The following MYCBP2 variants were observed in gnomAD, a reference collection of about 807,000 sequenced individuals.
MYCBP2 encodes the protein MYC binding protein 2.
In MYCBP2, 120 loss-of-function variants were observed where a neutral mutation model predicts 525.3. The observed-to-expected ratio is 0.23, with a 90% CI of 0.20 to 0.27. The LOEUF (loss-of-function observed/expected upper bound fraction) is 0.27. Ranked by LOEUF, MYCBP2 falls within the 10% of genes least tolerant of loss-of-function variation. The pLI, the probability that MYCBP2 is intolerant of heterozygous loss-of-function variation, is 1.00. For synonymous variants in MYCBP2, 1,894 were observed against 1,955.8 expected, an observed-to-expected ratio of 0.97 and a Z score of 0.83; for missense variants, 4,149 against 5,657.1, an observed-to-expected ratio of 0.73 and a Z score of 8.55.
intron 46 of MYCBP2, 100 bp downstream of exon 46, chr13:77,155,958 G>C (rs1298642230): frequency 2.7e-6 from 3 of 1,131,504 alleles, no homozygotes; most frequent in Non-Finnish European, 3.7e-6. Flanking sequence ...ATATAAAGAG[G>C]GTAGAACAAA....
rs1431852116 is a variant in MYCBP2 at position 77,205,608 on chromosome 13, C to T, written c.3590-10G>A. 1.2e-6 allele frequency: 2 copies of T among 1,602,878 alleles called. No homozygotes were observed. Among genetic ancestry groups the T allele is most frequent in the East Asian group, 2.2e-5 (1 of 44,722 alleles). On this transcript the variant is annotated splice_polypyrimidine_tract_variant and intron_variant, in intron 24 of 82. Transcript: ENST00000544440. ...AAGGTATCAAGACAACCTAAAACAA[C>T]AAAGAAACAAAATTTAACTCCTTGA... is the stretch of plus-strand genomic sequence containing the variant.
intron 13 of MYCBP2, 96 bp from the exon 14 acceptor site, chr13:77,257,925 C>T: frequency 2.2e-6 from 2 of 913,298 alleles, no homozygotes; most frequent in Non-Finnish European, 3.1e-6. Flanking sequence ...ATTTCTGGGG[C>T]AAAATAACTC....
intron 55 of MYCBP2, among the ~76,000 whole-genome samples, chr13:77,110,326 G>A (rs945366017): frequency 6.6e-6 from 1 of 152,070 alleles, no homozygotes; most frequent in South Asian, 2.1e-4. Context: ...ACTGAAATAC[G>A]CCCTGGTCTC....
At chr13:77,213,489 A>C (rs564953369) in intron 21 of MYCBP2, among the ~76,000 whole-genome samples, 2 of 152,316 alleles carry the variant, frequency 1.3e-5, no homozygotes, top group Admixed American at 1.3e-4. Flanking sequence ...AAAAGAAAAA[A>C]AAAAGTAAAT....
chr13:77,294,104 C>A (rs1429899368), intron 2 of MYCBP2, among the ~76,000 whole-genome samples: 24 of 41,898 alleles, frequency 5.7e-4, no homozygotes, highest in African/African-American at 6.9e-4. Context: ...GATATAATGG[C>A]TATATATATA....
chr13:77,185,867 A>G lies in MYCBP2; in HGVS notation c.4444+4T>C, dbSNP rs779112174. On this transcript the variant is annotated splice_donor_region_variant and intron_variant, in intron 31 of 82. Coordinates refer to ENST00000544440, the MANE Select transcript of MYCBP2 (RefSeq NM_015057.5). The stretch of plus-strand genomic sequence containing the variant: ...TATAGTCATTTAAAAAAAATGCATC[A>G]TACCTGACACTGGGTAAATTTCACA... The G allele has an allele frequency of 1.3e-6, 2 of 1,561,618 alleles. No individual in the cohort carries two copies. The highest frequency in any genetic ancestry group is 1.7e-6 in the Non-Finnish European group (2 of 1,158,978).
In MYCBP2 at chr13:77,068,758, G is replaced by A. The variant is rs1323915010; in HGVS notation, c.11978C>T (p.Ser3993Leu). ...CTGAGAATTGGCATTTTCTTTGCTT[G>A]ATATAGCATGTTCCCATTCTTCACG... ...RVREEWEHAISSKENANSQPN... is the reference protein window; with the variant it reads ...RVREEWEHAILSKENANSQPN... The change falls in exon 70 of 83, where the codon TCA becomes TTA. Residue 3993 changes from serine to leucine, a missense_variant. Physicochemically the swap from Ser to Leu is moderately radical, Grantham distance 145. Around this residue, in one of 21 missense-constraint regions of MYCBP2, gnomAD observed 64 missense variants for 131.2 expected, o/e 0.49. Coordinates refer to ENST00000544440, the MANE Select transcript of MYCBP2 (RefSeq NM_015057.5). The A allele has an allele frequency of 1.9e-6, 3 of 1,614,020 alleles. No homozygotes were observed. The highest frequency in any genetic ancestry group is 2.5e-6 in the Non-Finnish European group (3 of 1,180,012).
chr13:77,266,408 A>G (rs1266291060), intron 8 of MYCBP2, among the ~76,000 whole-genome samples: 1 of 152,148 alleles, frequency 6.6e-6, no homozygotes, highest in Admixed American at 6.6e-5. Flanking sequence ...TTAATGACCT[A>G]GAAATATTTT....
At chr13:77,185,446 ATTCAGTAATTCCC>A in intron 31 of MYCBP2, 69 bp from the exon 32 acceptor site, 2 of 1,449,004 alleles carry the variant, frequency 1.4e-6, no homozygotes, top group Non-Finnish European at 1.9e-6. Flanking sequence ...AATCAATATA[ATTCAGTAATTCCC>A]TATACAGCTA....
chr13:77,098,814 C>T lies in MYCBP2; in HGVS notation c.8340G>A (p.Arg2780=), dbSNP rs1460129533. Residue 2780 remains arginine, a synonymous_variant, in exon 56 of 83, where the codon AGG becomes AGA. Coordinates refer to ENST00000544440, the MANE Select transcript of MYCBP2 (RefSeq NM_015057.5). ...ATAATGACCTACTGTGGGAATCTGA[C>T]CTCAACTTTGCAGCATCAGATTTTA... ...LILKSDAAKL[R]SDSHSRSLSP... 6.2e-7 allele frequency: 1 copy of T among 1,613,558 alleles called. No homozygotes were observed.
At chr13:77,082,142 T>A (rs2154105513) in intron 63 of MYCBP2, 149 bp from the exon 64 acceptor site, 1 of 679,368 alleles carries the variant, frequency 1.5e-6, no homozygotes, top group East Asian at 2.9e-5. Context: ...AGAAAATCAT[T>A]CCTATTGTTT....
intron 3 of MYCBP2, among the ~76,000 whole-genome samples, chr13:77,286,552 G>C (rs1223087234): frequency 6.7e-6 from 1 of 150,248 alleles, no homozygotes; most frequent in African/African-American, 2.4e-5. Context: ...AGGAGATCGA[G>C]ACCATCCCGG....
chr13:77,112,421 T>C (rs1421539271), intron 55 of MYCBP2, among the ~76,000 whole-genome samples: 1 of 148,070 alleles, frequency 6.8e-6, no homozygotes, highest in Non-Finnish European at 1.5e-5. Flanking sequence ...TTATATATTA[T>C]ATCTGTATAT....
At chr13:77,220,172 G>A (rs765389746) in intron 20 of MYCBP2, among the ~76,000 whole-genome samples, 5 of 152,056 alleles carry the variant, frequency 3.3e-5, no homozygotes, top group African/African-American at 4.8e-5. Context: ...TGGGAAAACT[G>A]AAGAAACTGG....
intron 17 of MYCBP2, among the ~76,000 whole-genome samples, chr13:77,234,854 C>T (rs1397659218): frequency 6.6e-6 from 1 of 151,610 alleles, no homozygotes; most frequent in African/African-American, 2.4e-5. Flanking sequence ...TGTTATATTA[C>T]CATTTTCTGA....
At chr13:77,294,127 T>TATATATATATATATATATACATAC in intron 2 of MYCBP2, among the ~76,000 whole-genome samples, 1 of 60,858 alleles carries the variant, frequency 1.6e-5, no homozygotes, top group Non-Finnish European at 3.9e-5. Context: ...TATATATATA[T>TATATATATATATATATATACATAC]ATACATATAT....
chr13:77,288,594 G>C (rs530875253), intron 2 of MYCBP2, among the ~76,000 whole-genome samples: 1 of 152,054 alleles, frequency 6.6e-6, no homozygotes, highest in Non-Finnish European at 1.5e-5. Flanking sequence ...ATCTGACAAG[G>C]GCTGGAAAAG....
chr13:77,290,536 A>G (rs2077360801), intron 2 of MYCBP2, among the ~76,000 whole-genome samples: 1 of 152,264 alleles, frequency 6.6e-6, no homozygotes, highest in Admixed American at 6.5e-5. Flanking sequence ...CTCATCAAGG[A>G]ACAAACAATA....
chr13:77,189,602 GACA>G (rs1435884944), intron 29 of MYCBP2, among the ~76,000 whole-genome samples: 1 of 152,056 alleles, frequency 6.6e-6, no homozygotes. Context: ...CTTAACGAAT[GACA>G]ACATTTTTCA....
Sources: allele counts gnomAD v4.1 joint callset (sites outside exome capture counted in the v4.1 genomes callset), GRCh38; gene constraint gnomAD v4.1.1; regional missense constraint gnomAD v4.1.1; transcripts MANE v1.5; gene names NCBI Gene and HGNC (gene_info 2026-07-23, HGNC 2026-07-21).